The following GATAD2B variants were observed in gnomAD, a reference collection of about 807,000 sequenced individuals.
GATAD2B encodes transcriptional repressor p66-beta.
Under a neutral mutation model 64.3 loss-of-function variants are expected in GATAD2B, and 8 were observed. The observed-to-expected ratio is 0.12, with a 90% CI of 0.07 to 0.22. GATAD2B has a LOEUF of 0.22. Ranked by LOEUF, GATAD2B falls within the 10% of genes least tolerant of loss-of-function variation. The probability of loss-of-function intolerance (pLI) is 1.00; values close to 1 mark genes in which losing one functional copy is unlikely to be tolerated. For missense variants in GATAD2B, 453 were observed against 752.0 expected, an observed-to-expected ratio of 0.60 and a Z score of 4.65; for synonymous variants, 281 against 271.3, an observed-to-expected ratio of 1.04 and a Z score of -0.35.
intron 1 of GATAD2B, among the ~76,000 whole-genome samples, chr1:153,836,250 T>TA (rs890718307): frequency 4.2e-5 from 6 of 142,198 alleles, no homozygotes; most frequent in East Asian, 2.1e-4. Context: ...GACTCATCTC[T>TA]AAAAAAAAAT....
chr1:153,912,586 T>C (rs1308878263), intron 1 of GATAD2B, among the ~76,000 whole-genome samples: 2 of 152,222 alleles, frequency 1.3e-5, no homozygotes, highest in Non-Finnish European at 2.9e-5. Context: ...TAGCAATACA[T>C]GTGACCAACT....
intron 1 of GATAD2B, among the ~76,000 whole-genome samples, chr1:153,832,889 T>C (rs1408113639): frequency 6.6e-6 from 1 of 152,148 alleles, no homozygotes; most frequent in African/African-American, 2.4e-5. Flanking sequence ...GTAGATAAAA[T>C]AGCCTTCTAC....
chr1:153,831,051 C>T (rs1399991886), intron 1 of GATAD2B, among the ~76,000 whole-genome samples: 2 of 152,138 alleles, frequency 1.3e-5, no homozygotes, highest in Non-Finnish European at 2.9e-5. Context: ...GGATTATAGG[C>T]AGAAATACAC....
chr1:153,909,847 C>G (rs1219471929), intron 1 of GATAD2B, among the ~76,000 whole-genome samples: 1 of 150,822 alleles, frequency 6.6e-6, no homozygotes, highest in African/African-American at 2.4e-5. Flanking sequence ...ACTTGGGAGG[C>G]TGAGGCAGGA....
rs1265005971 is a variant in GATAD2B, at chr1:153,808,067, T to C, written c.*2110A>G. On this transcript the variant is annotated 3_prime_UTR_variant, in exon 11 of 11. Transcript: ENST00000368655. ...AGATGTAAGAATATATCTTTATATA[T>C]ATATATATAATTTTAAAATAATCCC... The C allele has an allele frequency of 6.6e-6, 1 of 151,762 alleles. No homozygotes were observed. Among genetic ancestry groups the C allele is most frequent in the Non-Finnish European group, 1.5e-5 (1 of 67,960 alleles). 9.4% of individuals were successfully genotyped at this position (151,762 alleles called of 1,614,324 possible).
intron 5 of GATAD2B, 38 bp downstream of exon 5, chr1:153,818,002 G>A (rs574725338): frequency 4.4e-5 from 68 of 1,534,668 alleles, no homozygotes; most frequent in African/African-American, 3.1e-4. Context: ...GATTAGACAC[G>A]GCCCTCCAAC....
chr1:153,832,330 AAT>A (rs1419331062), intron 1 of GATAD2B, among the ~76,000 whole-genome samples: 1 of 152,244 alleles, frequency 6.6e-6, no homozygotes, highest in Non-Finnish European at 1.5e-5. Context: ...CCTTACTGGC[AAT>A]ATGGAGAAAG....
At position 153,904,572 on chromosome 1, in the gene GATAD2B, C is replaced by T. The variant is rs143070411; in HGVS notation, c.-2+18161G>A. 1.9e-3 allele frequency among the ~76,000 whole-genome samples: 290 copies of T among 152,184 alleles called. 2 individuals are homozygous for T. The highest frequency in any genetic ancestry group is 6.5e-3 in the African/African-American group (269 of 41,538). The stretch of plus-strand genomic sequence containing the variant: ...TGTTTTTCTTTGAGAGACAGAGTCT[C>T]GCTCTGTCACTCAGGCTGGAGTAGA... On this transcript the variant is annotated intron_variant, in intron 1 of 10. Coordinates refer to ENST00000368655, the MANE Select transcript of GATAD2B (RefSeq NM_020699.4).
intron 1 of GATAD2B, among the ~76,000 whole-genome samples, chr1:153,861,627 A>T (rs1198467289): frequency 1.3e-5 from 2 of 149,722 alleles, no homozygotes; most frequent in Non-Finnish European, 3.0e-5. Flanking sequence ...ACTAAAAAAA[A>T]AAAAAATTAG....
At chr1:153,915,737 T>C (rs1232387940) in intron 1 of GATAD2B, among the ~76,000 whole-genome samples, 2 of 106,250 alleles carry the variant, frequency 1.9e-5, no homozygotes, top group Admixed American at 1.1e-4. Flanking sequence ...AGAACTTGTC[T>C]ATATAAAAAA....
chr1:153,830,743 G>A (rs1570940331), intron 1 of GATAD2B, among the ~76,000 whole-genome samples: 1 of 152,018 alleles, frequency 6.6e-6, no homozygotes, highest in Non-Finnish European at 1.5e-5. Context: ...CCAAAGTGCT[G>A]GGATTACAGG....
In GATAD2B at chr1:153,862,727, T is replaced by C. The variant is rs549639553; in HGVS notation, c.-1-34379A>G. Among the ~76,000 whole-genome samples the C allele has an allele frequency of 2.1e-5, 3 of 140,604 alleles. No individual in the cohort carries two copies. The South Asian group carries it at 6.7e-4, about 32-fold the overall frequency. 92.2% of individuals were successfully genotyped at this position (140,604 alleles called of 152,430 possible). A position where few individuals can be genotyped will look rare whatever the true frequency, so the allele number is the denominator to read the frequency against. ...CCTGGCCAATCTCTACTTTATTTCT[T>C]TTTTTTTTTTTTTTGAAATGGAGTT... On this transcript the variant is annotated intron_variant, in intron 1 of 10. Transcript: ENST00000368655.
At chr1:153,915,490 C>G (rs144547928) in intron 1 of GATAD2B, among the ~76,000 whole-genome samples, 28 of 152,150 alleles carry the variant, frequency 1.8e-4, no homozygotes, top group African/African-American at 6.7e-4. Flanking sequence ...GTATCTAACT[C>G]TCTTTGGGCA....
At chr1:153,839,128 AAAAAAAG>A (rs1303216285) in intron 1 of GATAD2B, among the ~76,000 whole-genome samples, 13 of 136,050 alleles carry the variant, frequency 9.6e-5, no homozygotes, top group African/African-American at 2.6e-4. Context: ...AAAAAAAAAA[AAAAAAAG>A]AAAGTTTAAG....
intron 1 of GATAD2B, among the ~76,000 whole-genome samples, chr1:153,911,082 TC>T (rs1391575803): frequency 3.9e-5 from 6 of 152,122 alleles, no homozygotes; most frequent in African/African-American, 1.4e-4. Context: ...AAGCATATTC[TC>T]TGGAACACAG....
At chr1:153,853,175 G>A (rs1251224005) in intron 1 of GATAD2B, 1 of 1,284,596 alleles carries the variant, frequency 7.8e-7, no homozygotes, top group Non-Finnish European at 1.1e-6. Flanking sequence ...CACGGATATT[G>A]GCAACTGCAA....
chr1:153,829,481 T>C (rs907680442), intron 1 of GATAD2B, among the ~76,000 whole-genome samples: 2 of 152,186 alleles, frequency 1.3e-5, no homozygotes, highest in African/African-American at 2.4e-5. Context: ...CTCACACCTA[T>C]AATCCCAGCA....
chr1:153,893,818 C>CATCGTG (rs1677494598), intron 1 of GATAD2B, among the ~76,000 whole-genome samples: 1 of 150,962 alleles, frequency 6.6e-6, no homozygotes, highest in South Asian at 2.1e-4. Flanking sequence ...ATTAGCCAGG[C>CATCGTG]ATCGTGGCAG....
rs778879337 is a variant in GATAD2B, at chr1:153,828,148, T to A, written c.200A>T (p.Gln67Leu). The A allele has an allele frequency of 1.9e-6, 3 of 1,614,200 alleles. No individual in the cohort carries two copies. The highest frequency in any genetic ancestry group is 2.5e-6 in the Non-Finnish European group (3 of 1,180,024). The change falls in exon 2 of 11, where the codon CAG becomes CTG. Residue 67 changes from glutamine to leucine, a missense_variant. By Grantham distance (113) the Gln-to-Leu change is moderately radical (BLOSUM62 -2). Transcript: ENST00000368655. The part of the protein sequence containing the change: ...LEVPHELPTK[Q>L]DGSGVKGYEE... ...ATAGCCCTTGACACCACTGCCATCC[T>A]GTTTGGTGGGTAACTCATGTGGCAC...
Sources: allele counts gnomAD v4.1 joint callset (sites outside exome capture counted in the v4.1 genomes callset), GRCh38; gene constraint gnomAD v4.1.1; transcripts MANE v1.5; gene names NCBI Gene and HGNC (gene_info 2026-07-23, HGNC 2026-07-21).